Variants in SLC5A7 observed in about 807,000 individuals in gnomAD.
The protein encoded by SLC5A7 is high affinity choline transporter 1.
SLC5A7 carries 19 observed loss-of-function variants against 55.4 expected under a neutral mutation model. That is an observed-to-expected ratio of 0.34 (90% CI 0.24 to 0.50). The LOEUF is 0.50. Among genes scored for constraint, SLC5A7 ranks in the 20% least tolerant of loss-of-function variants. SLC5A7 has a pLI of 0.98. For synonymous variants in SLC5A7, 265 were observed against 263.7 expected, an observed-to-expected ratio of 1.00 and a Z score of -0.05; for missense variants, 506 against 705.3, an observed-to-expected ratio of 0.72 and a Z score of 3.20.
At chr2:107,997,308 G>A (rs190782970) in intron 4 of SLC5A7, among the ~76,000 whole-genome samples, 3 of 152,210 alleles carry the variant, frequency 2.0e-5, no homozygotes, top group East Asian at 3.9e-4. Flanking sequence ...TGTTTAGTAC[G>A]GTAACAATCT....
intron 4 of SLC5A7, among the ~76,000 whole-genome samples, chr2:107,995,464 A>AGT (rs1351455221): frequency 0.059 from 7,628 of 128,672 alleles, 234 homozygotes; most frequent in Middle Eastern, 0.11. Flanking sequence ...AGAGAGAGAG[A>AGT]GAGAGAGTGT....
chr2:107,990,116 A>T (rs947998137), intron 2 of SLC5A7, among the ~76,000 whole-genome samples: 1 of 152,226 alleles, frequency 6.6e-6, no homozygotes, highest in African/African-American at 2.4e-5. Flanking sequence ...AAAAATGTTG[A>T]TTCTTTTAAA....
Position 107,992,159 on chromosome 2 carries a change from C to A in SLC5A7, c.232C>A (p.Pro78Thr). The A allele has an allele frequency of 6.2e-7, 1 of 1,613,792 alleles. No individual in the cohort carries two copies. The highest frequency in any genetic ancestry group is 8.5e-7 in the Non-Finnish European group (1 of 1,179,758). Residue 78 changes from proline (P) to threonine (T), a missense_variant, in exon 3 of 9, where the codon CCA becomes ACA. Physicochemically the swap from Pro to Thr is conservative, Grantham distance 38. This residue lies in a region of SLC5A7 where 309 missense variants were observed against 478.6 expected (regional missense o/e 0.65). Transcript: ENST00000264047. Reference sequence around the variant, plus strand: ...TGGCACAGCTGAAGCAGTTTATGTACCAGGTTATGGCCTAGCTTGGGCTCA... The same window carrying A: ...TGGCACAGCTGAAGCAGTTTATGTAACAGGTTATGGCCTAGCTTGGGCTCA... Reference protein sequence around the residue: ...INGTAEAVYVPGYGLAWAQAP... With the variant: ...INGTAEAVYVTGYGLAWAQAP...
chr2:107,994,573 G>A (rs1677591938), intron 4 of SLC5A7, among the ~76,000 whole-genome samples: 2 of 152,038 alleles, frequency 1.3e-5, no homozygotes, highest in South Asian at 4.2e-4. Context: ...GCGACAGAGT[G>A]AGACTCTGTC....
intron 1 of SLC5A7, among the ~76,000 whole-genome samples, chr2:107,987,405 G>T (rs187180567): frequency 5.9e-5 from 9 of 152,224 alleles, no homozygotes; most frequent in Admixed American, 5.9e-4. Flanking sequence ...CCATTAATGG[G>T]GGGTGATGAA....
At chr2:108,003,307 T>C (rs1406531503) in intron 6 of SLC5A7, among the ~76,000 whole-genome samples, 2 of 152,340 alleles carry the variant, frequency 1.3e-5, no homozygotes, top group East Asian at 3.9e-4. Context: ...TAGAGATTGA[T>C]ATAGAATATT....
Position 107,993,030 on chromosome 2 carries a change from G to A in SLC5A7, c.351G>A (p.Pro117=), listed in dbSNP as rs368109143. The A allele has an allele frequency of 3.1e-5, 50 of 1,614,046 alleles. No individual in the cohort carries two copies. The highest frequency in any genetic ancestry group is 1.6e-4 in the Middle Eastern group (1 of 6,084). Residue 117 remains proline (P), a synonymous_variant, in exon 4 of 9, where the codon CCG becomes CCA. Coordinates refer to ENST00000264047, the MANE Select transcript of SLC5A7 (RefSeq NM_021815.5). ...RSKGYVTMLD[P]FQQIYGKRMG... is the part of the protein sequence containing the mutation. Reference sequence around the variant, plus strand: ...AGGGGTATGTGACCATGTTAGACCCGTTTCAGCAAATCTATGGAAAACGCA... The same window carrying A: ...AGGGGTATGTGACCATGTTAGACCCATTTCAGCAAATCTATGGAAAACGCA...
chr2:108,002,572 G>A (rs1386904998), intron 6 of SLC5A7, among the ~76,000 whole-genome samples: 1 of 152,134 alleles, frequency 6.6e-6, no homozygotes, highest in African/African-American at 2.4e-5. Flanking sequence ...TGGGGCAAAG[G>A]TGCAGGCACT....
Position 108,001,969 on chromosome 2 carries a change from T to C in SLC5A7, c.670T>C (p.Tyr224His), listed in dbSNP as rs1677926366. The change falls in exon 6 of 9, where the codon TAC becomes CAC. Residue 224 changes from tyrosine to histidine, a missense_variant. Transcript: ENST00000264047. ...CGGGTTCACTGCTGTGCATGCCAAATACCAAAAGCCGTGGCTGGGAACTGT... is the reference window on the plus strand; with the variant it reads ...CGGGTTCACTGCTGTGCATGCCAAACACCAAAAGCCGTGGCTGGGAACTGT... Reference protein sequence around the residue: ...DIGFTAVHAKYQKPWLGTVDS... With the variant: ...DIGFTAVHAKHQKPWLGTVDS... 1 of 1,614,210 alleles carries C rather than the reference T, an allele frequency of 6.2e-7. No individual in the cohort carries two copies. The highest frequency in any genetic ancestry group is 1.3e-5 in the African/African-American group (1 of 75,058).
rs1407499658 is a variant in SLC5A7 at position 108,001,975 on chromosome 2, A to G, written c.676A>G (p.Lys226Glu). 2 of 1,614,024 alleles carry G rather than the reference A, an allele frequency of 1.2e-6. No homozygotes were observed. The highest frequency in any genetic ancestry group is 1.7e-6 in the Non-Finnish European group (2 of 1,180,038). The part of the protein sequence containing the change: ...GFTAVHAKYQ[K>E]PWLGTVDSSE... The stretch of plus-strand genomic sequence containing the variant: ...CACTGCTGTGCATGCCAAATACCAA[A>G]AGCCGTGGCTGGGAACTGTTGACTC... The change falls in exon 6 of 9, where the codon AAG becomes GAG. Residue 226 changes from lysine to glutamate, a missense_variant. Physicochemically the swap from Lys to Glu is moderately conservative, Grantham distance 56. Around this residue, in one of 4 missense-constraint regions of SLC5A7, gnomAD observed 309 missense variants for 478.6 expected, o/e 0.65. Coordinates refer to ENST00000264047, the MANE Select transcript of SLC5A7 (RefSeq NM_021815.5).
At chr2:107,989,474 T>C (rs1677366578) in intron 2 of SLC5A7, among the ~76,000 whole-genome samples, 1 of 152,250 alleles carries the variant, frequency 6.6e-6, no homozygotes. Context: ...TGACATTTTA[T>C]CTTTGTTTAA....
chr2:107,995,464 AGAGAGAGTGT>A (rs755896248), intron 4 of SLC5A7, among the ~76,000 whole-genome samples: 57 of 129,032 alleles, frequency 4.4e-4, no homozygotes, highest in Non-Finnish European at 8.8e-4. Context: ...AGAGAGAGAG[AGAGAGAGTGT>A]GTGTGTGTGT....
intron 6 of SLC5A7, 141 bp downstream of exon 6, chr2:108,002,181 G>A: frequency 1.0e-6 from 1 of 998,002 alleles, no homozygotes; most frequent in Non-Finnish European, 1.4e-6. Flanking sequence ...TATCGGGAGG[G>A]TGGAGCCAGG....
Position 108,011,036 on chromosome 2 carries a change from T to A in SLC5A7, c.*175T>A. On this transcript the variant is annotated 3_prime_UTR_variant, in exon 9 of 9. Coordinates refer to ENST00000264047, the MANE Select transcript of SLC5A7 (RefSeq NM_021815.5). ...AAGCCAAGCTAGAAGGAAGCACCTA[T>A]GAAAGCAACAACTTTGTTTCTCATC... The A allele has an allele frequency of 1.8e-6, 1 of 552,234 alleles. No homozygotes were observed. Among genetic ancestry groups the A allele is most frequent in the Non-Finnish European group, 2.9e-6 (1 of 350,682 alleles). The allele number at this position is 552,234 out of a possible 1,614,324, so 34.2% of individuals were successfully genotyped here.
At chr2:108,009,999 G>A (rs1343328957) in intron 8 of SLC5A7, among the ~76,000 whole-genome samples, 2 of 152,118 alleles carry the variant, frequency 1.3e-5, no homozygotes, top group East Asian at 3.9e-4. Flanking sequence ...GGCTCAGGTG[G>A]CCTGTGTGTC....
rs373619116 is a variant in SLC5A7 at position 107,995,080 on chromosome 2, A to G, written c.448+1953A>G. On this transcript the variant is annotated intron_variant, in intron 4 of 8. Transcript: ENST00000264047. Reference sequence around the variant, plus strand: ...CATTCTGAGAGATGCATCAGCAGGCAATTTTGATGTTGTGTGAACATAGAG... The same window carrying G: ...CATTCTGAGAGATGCATCAGCAGGCGATTTTGATGTTGTGTGAACATAGAG... Among the ~76,000 whole-genome samples, 6 of 152,308 alleles carry G rather than the reference A, an allele frequency of 3.9e-5. No individual in the cohort carries two copies. In the East Asian group the frequency reaches 7.7e-4, roughly 20 times the overall value.
intron 5 of SLC5A7, among the ~76,000 whole-genome samples, chr2:108,000,286 C>T (rs1315281982): frequency 1.3e-5 from 2 of 152,064 alleles, no homozygotes; most frequent in Non-Finnish European, 2.9e-5. Flanking sequence ...TTATATGTCA[C>T]CCATGTATTT....
At chr2:108,002,728 C>T (rs1395185954) in intron 6 of SLC5A7, among the ~76,000 whole-genome samples, 1 of 152,066 alleles carries the variant, frequency 6.6e-6, no homozygotes, top group Non-Finnish European at 1.5e-5. Flanking sequence ...CGTAAGAAAT[C>T]AATTATGGCA....
chr2:107,993,882 T>G (rs1239408254), intron 4 of SLC5A7, among the ~76,000 whole-genome samples: 2 of 152,344 alleles, frequency 1.3e-5, no homozygotes, highest in East Asian at 3.9e-4. Flanking sequence ...AACTACAAAC[T>G]TGAAATATTT....
Sources: gnomAD v4.1 joint callset for allele counts (sites outside exome capture counted in the v4.1 genomes callset) on GRCh38, gnomAD v4.1.1 for gene constraint, gnomAD v4.1.1 regional missense constraint, MANE v1.5 for transcripts, NCBI Gene and HGNC (gene_info 2026-07-23, HGNC 2026-07-21) for gene names.